IGBP1: variants seen among roughly 807,000 people sequenced by gnomAD.
The protein encoded by IGBP1 is immunoglobulin-binding protein 1.
A neutral mutation model predicts 25.9 loss-of-function variants in IGBP1; 2 were observed. The observed-to-expected ratio is 0.08, with a 90% CI of 0.03 to 0.24. The LOEUF is 0.24. IGBP1 is among the 10% of genes least tolerant of loss of function. The pLI is 1.00. For synonymous variants in IGBP1, 96 were observed against 93.4 expected, an observed-to-expected ratio of 1.03 and a Z score of -0.16; for missense variants, 187 against 260.4, an observed-to-expected ratio of 0.72 and a Z score of 1.94.
intron 3 of IGBP1, among the ~76,000 whole-genome samples, chrX:70,136,591 C>T (rs1322221556): frequency 1.8e-5 from 2 of 111,109 alleles, no homozygotes; most frequent in African/African-American, 6.5e-5. Context: ...CAATATCTGG[C>T]ATGTGGTGAG....
intron 4 of IGBP1, among the ~76,000 whole-genome samples, chrX:70,148,251 C>T (rs115538107): frequency 0.045 from 5,029 of 111,669 alleles, 149 homozygotes; most frequent in African/African-American, 0.095. Context: ...TTTCTATATA[C>T]GTCTATATGG....
chrX:70,161,626 A>G (rs2085271316), intron 6 of IGBP1, among the ~76,000 whole-genome samples: 1 of 111,977 alleles, frequency 8.9e-6, no homozygotes, highest in Admixed American at 9.5e-5. Flanking sequence ...CCTACCTTCG[A>G]CCTGCTCAGA....
chrX:70,134,565 G>A lies in IGBP1; in HGVS notation c.231G>A (p.Lys77=). The stretch of plus-strand genomic sequence containing the variant: ...AAGAGATTGCTTCCACCGACCTGAA[G>A]TACCTTTTGGTGCCAGCGTTTCAAG... The part of the protein sequence containing the change: ...DLEEIASTDL[K]YLLVPAFQGA... Residue 77 remains lysine, a synonymous_variant, in exon 3 of 7, where the codon AAG becomes AAA. Transcript: ENST00000356413. The A allele has an allele frequency of 8.3e-7, 1 of 1,211,559 alleles. No individual in the cohort carries two copies. The highest frequency in any genetic ancestry group is 1.1e-6 in the Non-Finnish European group (1 of 895,318).
intron 6 of IGBP1, among the ~76,000 whole-genome samples, chrX:70,161,622 T>C (rs900012230): frequency 8.9e-6 from 1 of 111,977 alleles, no homozygotes; most frequent in African/African-American, 3.3e-5. Flanking sequence ...CTAACCTACC[T>C]TCGACCTGCT....
intron 6 of IGBP1, among the ~76,000 whole-genome samples, chrX:70,152,117 G>T (rs931494519): frequency 7.2e-5 from 8 of 111,238 alleles, no homozygotes; most frequent in African/African-American, 2.6e-4. Flanking sequence ...AGGAATGAGA[G>T]AACTGAGATC....
intron 6 of IGBP1, among the ~76,000 whole-genome samples, chrX:70,159,007 G>A (rs760257895): frequency 2.7e-5 from 3 of 111,731 alleles, no homozygotes; most frequent in South Asian, 7.5e-4. Flanking sequence ...AGAAAGACAC[G>A]CTCAAAAAAA....
At chrX:70,137,327 T>C (rs901656339) in intron 3 of IGBP1, among the ~76,000 whole-genome samples, 2 of 109,174 alleles carry the variant, frequency 1.8e-5, no homozygotes, top group Non-Finnish European at 3.8e-5. Context: ...AAGGGGAGAG[T>C]ATGAATTTAG....
intron 6 of IGBP1, among the ~76,000 whole-genome samples, chrX:70,156,534 A>T (rs1471141908): frequency 8.9e-6 from 1 of 112,312 alleles, no homozygotes; most frequent in Non-Finnish European, 1.9e-5. Flanking sequence ...ATATTTGAAA[A>T]TTAAACAGTA....
intron 1 of IGBP1, 51 bp downstream of exon 1, chrX:70,133,591 C>T: frequency 2.5e-6 from 1 of 400,571 alleles, no homozygotes; most frequent in South Asian, 5.0e-5. Flanking sequence ...CGTCCGCACT[C>T]CTCGCGCTCC....
chrX:70,154,277 T>C (rs2085223209), intron 6 of IGBP1, among the ~76,000 whole-genome samples: 1 of 106,126 alleles, frequency 9.4e-6, no homozygotes, highest in South Asian at 4.3e-4. Flanking sequence ...TTTCATTGTG[T>C]TAGCCAGGAT....
intron 3 of IGBP1, among the ~76,000 whole-genome samples, chrX:70,146,046 A>G (rs2085164275): frequency 8.9e-6 from 1 of 112,049 alleles, no homozygotes; most frequent in Non-Finnish European, 1.9e-5. Context: ...ATAGGTACTC[A>G]GTAGACATTT....
intron 3 of IGBP1, among the ~76,000 whole-genome samples, chrX:70,144,696 T>C (rs1409797204): frequency 1.0e-5 from 1 of 96,744 alleles, no homozygotes; most frequent in African/African-American, 3.9e-5. Flanking sequence ...AGTCTCACTC[T>C]GTTGCCAGGC....
At chrX:70,165,217 T>C in intron 6 of IGBP1, 1 of 111,979 alleles carries the variant, frequency 8.9e-6, no homozygotes, top group Non-Finnish European at 1.9e-5. Context: ...CAGCAGTTGG[T>C]TTAATTTCTT....
intron 6 of IGBP1, among the ~76,000 whole-genome samples, chrX:70,161,930 T>C (rs1228564679): frequency 9.0e-6 from 1 of 111,673 alleles, no homozygotes; most frequent in Non-Finnish European, 1.9e-5. Context: ...ACACTAGGAA[T>C]AAAATGAATA....
chrX:70,165,525 G>C (rs757934462), intron 6 of IGBP1, among the ~76,000 whole-genome samples: 45 of 110,574 alleles, frequency 4.1e-4, no homozygotes, highest in African/African-American at 1.4e-3. Context: ...AGGGGCTTGG[G>C]GGGGGTGGGT....
intron 3 of IGBP1, among the ~76,000 whole-genome samples, chrX:70,145,036 A>G (rs745334208): frequency 9.2e-6 from 1 of 108,270 alleles, no homozygotes; most frequent in African/African-American, 3.3e-5. Context: ...TCTCAGCCAA[A>G]AAAAAAAAGA....
At chrX:70,139,143 C>T (rs1489606803) in intron 3 of IGBP1, among the ~76,000 whole-genome samples, 2 of 110,428 alleles carry the variant, frequency 1.8e-5, no homozygotes, top group African/African-American at 3.3e-5. Flanking sequence ...AACCCCATCT[C>T]TACTAAAAAT....
intron 5 of IGBP1, chrX:70,149,717 A>T (rs1255507914): frequency 1.6e-5 from 2 of 121,418 alleles, no homozygotes; most frequent in Admixed American, 8.3e-5. Flanking sequence ...AAATAATTGA[A>T]TGGAGAATTG....
At chrX:70,148,327 C>T (rs1308859455) in intron 4 of IGBP1, among the ~76,000 whole-genome samples, 2 of 111,735 alleles carry the variant, frequency 1.8e-5, no homozygotes, top group East Asian at 5.6e-4. Flanking sequence ...CGTAGAAGTT[C>T]TTGACAATTA....
Sources: gnomAD v4.1 joint callset for allele counts (sites outside exome capture counted in the v4.1 genomes callset) on GRCh38, gnomAD v4.1.1 for gene constraint, MANE v1.5 for transcripts, NCBI Gene and HGNC (gene_info 2026-07-23, HGNC 2026-07-21) for gene names.